The following HCN1 variants were observed in gnomAD, a reference collection of about 807,000 sequenced individuals.
HCN1 encodes the protein hyperpolarization activated cyclic nucleotide gated potassium channel 1.
HCN1 carries 13 observed loss-of-function variants against 78.9 expected under a neutral mutation model. The ratio of observed to expected loss-of-function variants is 0.16; its 90% CI spans 0.11 to 0.26. HCN1 has a LOEUF of 0.26. Ranked by LOEUF, HCN1 falls within the 10% of genes least tolerant of loss-of-function variation. The pLI is 1.00. For missense variants in HCN1, 810 were observed against 1,154.3 expected, an observed-to-expected ratio of 0.70 and a Z score of 4.32; for synonymous variants, 552 against 455.5, an observed-to-expected ratio of 1.21 and a Z score of -2.70.
At chr5:45,665,165 G>T (rs1746011010) in intron 1 of HCN1, among the ~76,000 whole-genome samples, 1 of 151,900 alleles carries the variant, frequency 6.6e-6, no homozygotes, top group Admixed American at 6.6e-5. Context: ...GGATGAAATT[G>T]GAAATCATCA....
At chr5:45,521,820 C>T (rs1048693642) in intron 2 of HCN1, among the ~76,000 whole-genome samples, 1 of 151,812 alleles carries the variant, frequency 6.6e-6, no homozygotes, top group Non-Finnish European at 1.5e-5. Context: ...AGATACAGCT[C>T]CACAGTTTTC....
At chr5:45,551,351 C>G (rs1227519465) in intron 2 of HCN1, among the ~76,000 whole-genome samples, 1 of 150,674 alleles carries the variant, frequency 6.6e-6, no homozygotes, top group African/African-American at 2.4e-5. Context: ...CAAATGAAAA[C>G]AAAAGCAGAC....
chr5:45,536,475 CT>C lies in HCN1; in HGVS notation c.850-74469del, dbSNP rs1261227137. 2.6e-5 allele frequency among the ~76,000 whole-genome samples: 4 copies of C among 152,158 alleles called. No individual in the cohort carries two copies. In the South Asian group the frequency reaches 8.3e-4, roughly 32 times the overall value. ...TCTTTTAAACCCACACAGTGTTTTC[CT>C]TTTTTCATTTCAGTTACTGCATTTT... On this transcript the variant is annotated intron_variant, in intron 2 of 7. Coordinates refer to ENST00000303230, the MANE Select transcript of HCN1 (RefSeq NM_021072.4).
At chr5:45,407,644 C>A (rs976514512) in intron 3 of HCN1, among the ~76,000 whole-genome samples, 7 of 151,898 alleles carry the variant, frequency 4.6e-5, no homozygotes, top group Admixed American at 4.6e-4. Flanking sequence ...CTCAGCCTCC[C>A]AAGTAGCTGG....
At chr5:45,687,670 T>C (rs1739835338) in intron 1 of HCN1, among the ~76,000 whole-genome samples, 1 of 152,184 alleles carries the variant, frequency 6.6e-6, no homozygotes, top group African/African-American at 2.4e-5. Flanking sequence ...TTTGATTTAG[T>C]CTTTCTCTGC....
intron 4 of HCN1, among the ~76,000 whole-genome samples, chr5:45,376,124 T>C (rs1747649039): frequency 9.4e-6 from 1 of 105,852 alleles, no homozygotes; most frequent in Non-Finnish European, 1.7e-5. Context: ...ATATAATATG[T>C]TATATAAAAT....
intron 5 of HCN1, among the ~76,000 whole-genome samples, chr5:45,346,083 T>C (rs561783353): frequency 6.6e-6 from 1 of 152,142 alleles, no homozygotes; most frequent in Non-Finnish European, 1.5e-5. Flanking sequence ...CCAAAAGGGA[T>C]AAAAGCACCT....
At chr5:45,588,475 CA>C (rs1272045715) in intron 2 of HCN1, among the ~76,000 whole-genome samples, 2 of 152,224 alleles carry the variant, frequency 1.3e-5, no homozygotes, top group African/African-American at 4.8e-5. Context: ...CTGTGTATGC[CA>C]AATCCTAGGT....
chr5:45,379,322 C>T (rs530491238), intron 4 of HCN1, among the ~76,000 whole-genome samples: 8 of 152,040 alleles, frequency 5.3e-5, no homozygotes, highest in Admixed American at 3.3e-4. Context: ...TTCTATGATA[C>T]GCTCCTCTTA....
At chr5:45,337,392 C>G (rs920898339) in intron 5 of HCN1, among the ~76,000 whole-genome samples, 1 of 152,022 alleles carries the variant, frequency 6.6e-6, no homozygotes, top group Non-Finnish European at 1.5e-5. Flanking sequence ...GACAGTGATA[C>G]TAAGAAAGTT....
intron 6 of HCN1, among the ~76,000 whole-genome samples, chr5:45,292,550 G>A (rs1745401808): frequency 6.6e-6 from 1 of 151,832 alleles, no homozygotes; most frequent in African/African-American, 2.4e-5. Flanking sequence ...AATTTAAAAG[G>A]CATAAACTCT....
chr5:45,642,665 T>C (rs1055281542), intron 2 of HCN1: 1 of 152,158 alleles, frequency 6.6e-6, no homozygotes, highest in African/African-American at 2.4e-5. Flanking sequence ...GAATTTTTAT[T>C]GCAAAAGCTC....
intron 3 of HCN1, among the ~76,000 whole-genome samples, chr5:45,458,524 T>A (rs1283093095): frequency 1.3e-5 from 2 of 152,142 alleles, no homozygotes; most frequent in Non-Finnish European, 2.9e-5. Flanking sequence ...TTGCCACTTT[T>A]TAGTGTCAGA....
intron 3 of HCN1, among the ~76,000 whole-genome samples, chr5:45,421,042 C>T (rs1740215716): frequency 6.6e-6 from 1 of 151,474 alleles, no homozygotes; most frequent in Non-Finnish European, 1.5e-5. Flanking sequence ...CTTTCCTTTC[C>T]TTCCTTCTCT....
chr5:45,380,385 G>A (rs1747781923), intron 4 of HCN1, among the ~76,000 whole-genome samples: 1 of 152,016 alleles, frequency 6.6e-6, no homozygotes, highest in Non-Finnish European at 1.5e-5. Flanking sequence ...GAATTTTGGA[G>A]GGACACAAAC....
chr5:45,599,840 C>CT lies in HCN1; in HGVS notation c.849+45344dup, dbSNP rs1235206388. On this transcript the variant is annotated intron_variant, in intron 2 of 7. Transcript: ENST00000303230. ...AGCATTTTCTGTTTTTTTTTTCCAT[C>CT]TTTTTTTATCCTATGCTATTTCACT... is the stretch of plus-strand genomic sequence containing the variant. Among the ~76,000 whole-genome samples the CT allele has an allele frequency of 1.3e-4, 19 of 151,510 alleles. No homozygotes were observed. The South Asian group carries it at 3.1e-3, about 25-fold the overall frequency.
chr5:45,517,368 G>A (rs748400165), intron 2 of HCN1, among the ~76,000 whole-genome samples: 6 of 151,148 alleles, frequency 4.0e-5, no homozygotes, highest in Non-Finnish European at 7.4e-5. Flanking sequence ...TGATCCCCAC[G>A]CTATCCCCAT....
At chr5:45,544,911 T>C (rs551024491) in intron 2 of HCN1, among the ~76,000 whole-genome samples, 19 of 152,168 alleles carry the variant, frequency 1.2e-4, no homozygotes, top group East Asian at 3.9e-4. Context: ...AATAAACATA[T>C]GTGTGCATGT....
chr5:45,534,322 G>A (rs1309256946), intron 2 of HCN1, among the ~76,000 whole-genome samples: 3 of 139,106 alleles, frequency 2.2e-5, no homozygotes, highest in African/African-American at 8.2e-5. Flanking sequence ...CTTGAATCAC[G>A]GAGGCAGAGG....
Sources: allele counts gnomAD v4.1 joint callset (sites outside exome capture counted in the v4.1 genomes callset), GRCh38; gene constraint gnomAD v4.1.1; transcripts MANE v1.5; gene names NCBI Gene and HGNC (gene_info 2026-07-23, HGNC 2026-07-21).